PLCB1: variants seen among roughly 807,000 people sequenced by gnomAD.
The protein encoded by PLCB1 is 1-phosphatidylinositol 4,5-bisphosphate phosphodiesterase beta-1.
A neutral mutation model predicts 161.8 loss-of-function variants in PLCB1; 46 were observed. That is an observed-to-expected ratio of 0.28 (90% CI 0.22 to 0.36). The LOEUF (loss-of-function observed/expected upper bound fraction) is 0.36. Ranked by LOEUF, PLCB1 falls within the 10% of genes least tolerant of loss-of-function variation. The pLI is 1.00. For synonymous variants in PLCB1, 517 were observed against 503.7 expected, an observed-to-expected ratio of 1.03 and a Z score of -0.35; for missense variants, 1,016 against 1,472.5, an observed-to-expected ratio of 0.69 and a Z score of 5.07.
At chr20:8,211,651 G>C (rs756997973) in intron 2 of PLCB1, among the ~76,000 whole-genome samples, 1 of 152,066 alleles carries the variant, frequency 6.6e-6, no homozygotes, top group Admixed American at 6.6e-5. Flanking sequence ...GGAACATATA[G>C]ACTGTGTTGT....
intron 31 of PLCB1, among the ~76,000 whole-genome samples, chr20:8,852,715 G>T (rs1986929893): frequency 6.6e-6 from 1 of 152,202 alleles, no homozygotes; most frequent in African/African-American, 2.4e-5. Flanking sequence ...CAAAAGCATA[G>T]TTTGCTCTCC....
chr20:8,831,030 C>T (rs554145223), intron 31 of PLCB1, among the ~76,000 whole-genome samples: 1 of 152,320 alleles, frequency 6.6e-6, no homozygotes, highest in Admixed American at 6.5e-5. Context: ...AGAATGTTGA[C>T]TGCATGTTAA....
chr20:8,363,511 C>T (rs539768780), intron 2 of PLCB1, among the ~76,000 whole-genome samples: 1 of 152,246 alleles, frequency 6.6e-6, no homozygotes, highest in South Asian at 2.1e-4. Context: ...AATGGCCTAC[C>T]CAAGATATCT....
chr20:8,611,394 G>A (rs1392984153), intron 3 of PLCB1, among the ~76,000 whole-genome samples: 2 of 152,082 alleles, frequency 1.3e-5, no homozygotes, highest in African/African-American at 2.4e-5. Flanking sequence ...AACGACATCA[G>A]TAATTGTTAA....
At chr20:8,212,923 A>AT (rs11468623) in intron 2 of PLCB1, among the ~76,000 whole-genome samples, 27 of 150,968 alleles carry the variant, frequency 1.8e-4, no homozygotes, top group Non-Finnish European at 3.3e-4. Context: ...GACATTGTAG[A>AT]TTTTTTTTTT....
At chr20:8,634,311 C>T (rs73598294) in intron 4 of PLCB1, among the ~76,000 whole-genome samples, 1 of 152,174 alleles carries the variant, frequency 6.6e-6, no homozygotes, top group East Asian at 1.9e-4. Context: ...ATAAAGTGAA[C>T]ATTAGTCTTT....
rs773010899 is a variant in PLCB1, at chr20:8,364,292, C to T, written c.178-7090C>T. Among the ~76,000 whole-genome samples the T allele has an allele frequency of 3.9e-5, 6 of 152,122 alleles. 1 individual carries two copies. The highest frequency in any genetic ancestry group is 1.4e-4 in the African/African-American group (6 of 41,422). On this transcript the variant is annotated intron_variant, in intron 2 of 31. Coordinates refer to ENST00000338037, the MANE Select transcript of PLCB1 (RefSeq NM_015192.4). ...AAAAGTTATCTTCCACATTATCTGC[C>T]GCATTCATATACTTGCCAATAACAT...
intron 3 of PLCB1, among the ~76,000 whole-genome samples, chr20:8,442,017 T>C (rs1980582540): frequency 6.6e-6 from 1 of 152,190 alleles, no homozygotes; most frequent in African/African-American, 2.4e-5. Flanking sequence ...GAAGACACAC[T>C]GAATATGATT....
chr20:8,269,675 G>A (rs1285626940), intron 2 of PLCB1, among the ~76,000 whole-genome samples: 2 of 152,074 alleles, frequency 1.3e-5, no homozygotes, highest in African/African-American at 2.4e-5. Context: ...TGAAACGTAA[G>A]TTTTGTATCT....
intron 31 of PLCB1, chr20:8,802,099 A>T (rs1370612822): frequency 6.2e-7 from 1 of 1,612,034 alleles, no homozygotes. Context: ...TGCCATGAGG[A>T]TCCCTCTGTT....
chr20:8,639,596 T>A (rs1988875130), intron 4 of PLCB1, among the ~76,000 whole-genome samples: 1 of 152,246 alleles, frequency 6.6e-6, no homozygotes, highest in African/African-American at 2.4e-5. Flanking sequence ...TACATGTGAT[T>A]TGCCATGTGG....
intron 1 of PLCB1, among the ~76,000 whole-genome samples, chr20:8,133,232 T>C (rs2051311175): frequency 6.6e-6 from 1 of 152,148 alleles, no homozygotes; most frequent in African/African-American, 2.4e-5. Flanking sequence ...TTGGCGCTTT[T>C]GTGGGAGCCA....
chr20:8,562,330 G>A (rs770773839), intron 3 of PLCB1, among the ~76,000 whole-genome samples: 5 of 152,060 alleles, frequency 3.3e-5, no homozygotes, highest in Non-Finnish European at 7.4e-5. Flanking sequence ...GTGAAAAGCT[G>A]CTCAGCGGTC....
At chr20:8,672,708 A>G (rs1423816126) in intron 9 of PLCB1, among the ~76,000 whole-genome samples, 5 of 152,106 alleles carry the variant, frequency 3.3e-5, no homozygotes, top group Non-Finnish European at 1.5e-5. Flanking sequence ...GCCCTGATTC[A>G]CAGAGCTCAT....
At chr20:8,519,932 G>A (rs986602997) in intron 3 of PLCB1, among the ~76,000 whole-genome samples, 6 of 152,052 alleles carry the variant, frequency 3.9e-5, no homozygotes, top group South Asian at 2.1e-4. Context: ...CAGTTTAAGC[G>A]TCTCTATATT....
chr20:8,394,243 T>C (rs74472739), intron 3 of PLCB1, among the ~76,000 whole-genome samples: 1 of 152,316 alleles, frequency 6.6e-6, no homozygotes, highest in African/African-American at 2.4e-5. Context: ...TGGTTTCACA[T>C]CTTATGACTT....
In PLCB1 at chr20:8,644,353, C is replaced by T. The variant is rs1447362529; in HGVS notation, c.385-1749C>T. 8.0e-4 allele frequency among the ~76,000 whole-genome samples: 119 copies of T among 149,556 alleles called. 1 individual carries two copies. The highest frequency in any genetic ancestry group is 2.7e-3 in the African/African-American group (109 of 39,886). ...GCCATCCCATCTAGGAAGTGAGGAG[C>T]GCCTCTTCCCGGCCGCCATCCCATC... On this transcript the variant is annotated intron_variant, in intron 4 of 31. Coordinates refer to ENST00000338037, the MANE Select transcript of PLCB1 (RefSeq NM_015192.4).
intron 4 of PLCB1, among the ~76,000 whole-genome samples, chr20:8,635,618 G>A (rs1255583294): frequency 1.3e-5 from 2 of 152,112 alleles, no homozygotes; most frequent in African/African-American, 4.8e-5. Flanking sequence ...TCCCTACCCA[G>A]CAGTTACTCC....
chr20:8,639,680 C>T (rs562086036), intron 4 of PLCB1, among the ~76,000 whole-genome samples: 27 of 152,026 alleles, frequency 1.8e-4, no homozygotes, highest in Non-Finnish European at 2.5e-4. Flanking sequence ...TATTATTGGC[C>T]TGAGCACTGT....
Sources: allele counts gnomAD v4.1 joint callset (sites outside exome capture counted in the v4.1 genomes callset), GRCh38; gene constraint gnomAD v4.1.1; transcripts MANE v1.5; gene names NCBI Gene and HGNC (gene_info 2026-07-23, HGNC 2026-07-21).